CHST6: variants seen among roughly 807,000 people sequenced by gnomAD.
CHST6 encodes the protein N-acetylglucosamine 6-O-sulfotransferase 5.
For synonymous variants in CHST6, 309 were observed against 276.4 expected, an observed-to-expected ratio of 1.12 and a Z score of -1.17; for missense variants, 698 against 586.2, an observed-to-expected ratio of 1.19 and a Z score of -1.97.
chr16:75,484,705 G>A (rs143146897), intron 1 of CHST6, among the ~76,000 whole-genome samples: 304 of 152,158 alleles, frequency 2.0e-3, no homozygotes, highest in Middle Eastern at 3.4e-3. Flanking sequence ...TTAGCCGGGT[G>A]TGGTGGTGAG....
chr16:75,479,000 C>G lies in CHST6; in HGVS notation c.829G>C (p.Ala277Pro), dbSNP rs151201267. The change falls in exon 3 of 3, where the codon GCG (alanine) becomes CCG (proline). Residue 277 changes from alanine to proline, a missense_variant. Ala to Pro is a conservative substitution (Grantham distance 27). Transcript: ENST00000332272. ...RYRLVRFEDL[A>P]REPLAEIRAL... ...CGGATTTCTGCCAGCGGCTCCCGCG[C>G]CAGGTCCTCGAAGCGCACCAGGCGG... 145 of 1,612,042 alleles carry G rather than the reference C, an allele frequency of 9.0e-5. No homozygotes were observed. The highest frequency in any genetic ancestry group is 1.2e-4 in the Non-Finnish European group (140 of 1,179,948).
In CHST6 at chr16:75,479,838, T is replaced by C; in HGVS notation, c.-10A>G. Reference sequence around the variant, plus strand: ...CGCGCGGCAGCCACATGCTGACTGCTGGGGGCCTTAGGGAGGAGAGCGCAG... The same window carrying C: ...CGCGCGGCAGCCACATGCTGACTGCCGGGGGCCTTAGGGAGGAGAGCGCAG... On this transcript the variant is annotated 5_prime_UTR_variant, in exon 3 of 3. Coordinates refer to ENST00000332272, the MANE Select transcript of CHST6 (RefSeq NM_021615.5). 5 of 1,548,950 alleles carry C rather than the reference T, an allele frequency of 3.2e-6. No individual in the cohort carries two copies. Among genetic ancestry groups the C allele is most frequent in the South Asian group, 1.2e-5 (1 of 84,492 alleles).
chr16:75,490,400 C>A (rs1316421153), intron 1 of CHST6, among the ~76,000 whole-genome samples: 9 of 151,982 alleles, frequency 5.9e-5, no homozygotes, highest in South Asian at 2.1e-4. Flanking sequence ...ATCACTTGAA[C>A]CTGGGAGGCA....
At chr16:75,482,025 G>A in intron 1 of CHST6, 134 bp from the exon 2 acceptor site, 1 of 337,016 alleles carries the variant, frequency 3.0e-6, no homozygotes, top group South Asian at 2.3e-5. Context: ...AGGGCTGTGA[G>A]ATGCTGCTGC....
At position 75,480,927 on chromosome 16, in the gene CHST6, CAAAAA is replaced by C. The variant is rs60465949; in HGVS notation, c.-17+885_-17+889del. Among the ~76,000 whole-genome samples, 75 of 111,384 alleles carry C rather than the reference CAAAAA, an allele frequency of 6.7e-4. 2 individuals are homozygous for C. In the South Asian group the frequency reaches 0.015, roughly 22 times the overall value. 73.1% of individuals were successfully genotyped at this position (111,384 alleles called of 152,430 possible). A position where few individuals can be genotyped will look rare whatever the true frequency, so the allele number is the denominator to read the frequency against. ...CCTGGGCAAGAGCAAAACTTCATTCCAAAAAAAAAAAAAAAAAAAGAAAAGAAAAG... is the reference window on the plus strand; with the variant it reads ...CCTGGGCAAGAGCAAAACTTCATTCCAAAAAAAAAAAAAAGAAAAGAAAAG... On this transcript the variant is annotated intron_variant, in intron 2 of 2. Coordinates refer to ENST00000332272, the MANE Select transcript of CHST6 (RefSeq NM_021615.5).
chr16:75,490,575 A>G (rs370067908), intron 1 of CHST6: 1 of 152,352 alleles, frequency 6.6e-6, no homozygotes, highest in East Asian at 1.9e-4. Flanking sequence ...GAAGGTTACA[A>G]TCTTAAAAAG....
intron 1 of CHST6, among the ~76,000 whole-genome samples, chr16:75,493,273 G>A (rs2080275268): frequency 6.6e-6 from 1 of 152,000 alleles, no homozygotes; most frequent in Admixed American, 6.6e-5. Context: ...CACTTTGCGA[G>A]GCTGAGGAGG....
At position 75,479,306 on chromosome 16, in the gene CHST6, C is replaced by T; in HGVS notation, c.523G>A (p.Glu175Lys). ...CRSYSHVVLK[E>K]VRFFNLQVLY... Reference sequence around the variant, plus strand: ...ACCTGCAGGTTGAAGAAGCGCACCTCCTTGAGCACCACGTGGCTGTAGGAG... The same window carrying T: ...ACCTGCAGGTTGAAGAAGCGCACCTTCTTGAGCACCACGTGGCTGTAGGAG... The change falls in exon 3 of 3, where the codon GAG (glutamate) becomes AAG (lysine). Residue 175 changes from glutamate to lysine, a missense_variant. Coordinates refer to ENST00000332272, the MANE Select transcript of CHST6 (RefSeq NM_021615.5). 1 of 1,613,266 alleles carries T rather than the reference C, an allele frequency of 6.2e-7. No homozygotes were observed. The highest frequency in any genetic ancestry group is 8.5e-7 in the Non-Finnish European group (1 of 1,179,800).
At position 75,495,377 on chromosome 16, in the gene CHST6, G is replaced by A. The variant is rs1036848433; in HGVS notation, c.-529C>T. On this transcript the variant is annotated 5_prime_UTR_variant, in exon 1 of 3. Coordinates refer to ENST00000332272, the MANE Select transcript of CHST6 (RefSeq NM_021615.5). The stretch of plus-strand genomic sequence containing the variant: ...GCGCCGGCCGGCAACCCTCGGCGCT[G>A]CCCGGTGCAGCCCGCCCGAGCGCAC... 1.3e-5 allele frequency: 2 copies of A among 152,268 alleles called. No individual in the cohort carries two copies. The highest frequency in any genetic ancestry group is 6.5e-5 in the Admixed American group (1 of 15,278). The allele number at this position is 152,268 out of a possible 1,614,324, so 9.4% of individuals were successfully genotyped here.
chr16:75,482,953 C>G (rs552184047), intron 1 of CHST6, among the ~76,000 whole-genome samples: 6 of 152,226 alleles, frequency 3.9e-5, no homozygotes, highest in Admixed American at 1.3e-4. Context: ...ACATGATCAA[C>G]GCTCCTCCAG....
chr16:75,488,946 T>C (rs974873443), intron 1 of CHST6, among the ~76,000 whole-genome samples: 1 of 151,832 alleles, frequency 6.6e-6, no homozygotes, highest in Non-Finnish European at 1.5e-5. Flanking sequence ...TGAGTGTTCA[T>C]GGGGGGCAGG....
In CHST6 at chr16:75,478,720, A is replaced by C. The variant is rs751712733; in HGVS notation, c.1109T>G (p.Leu370Arg). Residue 370 changes from leucine (L) to arginine (R), a missense_variant, in exon 3 of 3, where the codon CTC becomes CGC. Coordinates refer to ENST00000332272, the MANE Select transcript of CHST6 (RefSeq NM_021615.5). ...TCGTGGCAGCACCAGATCAAGGGCG[A>C]GGTTGCGCTGCTCGTCCTCAGAGTA... ...PVYSEDEQRN[L>R]ALDLVLPRGL... is the part of the protein sequence containing the mutation. The C allele has an allele frequency of 1.6e-5, 26 of 1,613,578 alleles. No homozygotes were observed. In the South Asian group the frequency reaches 2.9e-4, roughly 18 times the overall value.
At position 75,472,763 on chromosome 16, in the gene CHST6, T is replaced by A. The variant is rs2080031706; in HGVS notation, c.*5878A>T. On this transcript the variant is annotated 3_prime_UTR_variant, in exon 3 of 3. Coordinates refer to ENST00000332272, the MANE Select transcript of CHST6 (RefSeq NM_021615.5). ...TCTTCTTGATGCAAAATAACAAAAA[T>A]AAGGCCCACCATTGATTCCCCAACA... 1 of 152,154 alleles carries A rather than the reference T, an allele frequency of 6.6e-6. No individual in the cohort carries two copies. The highest frequency in any genetic ancestry group is 2.4e-5 in the African/African-American group (1 of 41,408). 9.4% of individuals were successfully genotyped at this position (152,154 alleles called of 1,614,324 possible).
At chr16:75,489,170 G>T (rs1251751846) in intron 1 of CHST6, among the ~76,000 whole-genome samples, 1 of 151,748 alleles carries the variant, frequency 6.6e-6, no homozygotes, top group African/African-American at 2.4e-5. Flanking sequence ...AGGCCGAGGC[G>T]GGCGGATTAC....
chr16:75,474,401 AGTAGCTAGGACTACAG>A lies in CHST6; in HGVS notation c.*4224_*4239del. On this transcript the variant is annotated 3_prime_UTR_variant, in exon 3 of 3. Transcript: ENST00000332272. ...GCAGTCCTCCCAACTCAGCCTCCCA[AGTAGCTAGGACTACAG>A]GTGCACGACACCATGCCCTGCTAAT... 5.2e-6 allele frequency: 2 copies of A among 382,264 alleles called. No homozygotes were observed. The highest frequency in any genetic ancestry group is 9.3e-6 in the Non-Finnish European group (2 of 216,196). 23.7% of individuals were successfully genotyped at this position (382,264 alleles called of 1,614,324 possible).
intron 1 of CHST6, among the ~76,000 whole-genome samples, chr16:75,493,947 T>C (rs2080283553): frequency 6.6e-6 from 1 of 152,266 alleles, no homozygotes; most frequent in Non-Finnish European, 1.5e-5. Context: ...TGGGTTCAAG[T>C]GATTCTTCTG....
intron 1 of CHST6, among the ~76,000 whole-genome samples, chr16:75,483,707 G>A (rs1163708250): frequency 6.6e-6 from 1 of 152,190 alleles, no homozygotes; most frequent in East Asian, 1.9e-4. Flanking sequence ...TATCCAGTAA[G>A]AAGGAGGAAG....
chr16:75,486,745 C>T (rs993592517), intron 1 of CHST6, among the ~76,000 whole-genome samples: 1 of 152,226 alleles, frequency 6.6e-6, no homozygotes, highest in African/African-American at 2.4e-5. Flanking sequence ...GGGAAGCATT[C>T]ACTTTCTGCT....
At position 75,473,601 on chromosome 16, in the gene CHST6, AGGCAC is replaced by A. The variant is rs1224450158; in HGVS notation, c.*5035_*5039del. 2.0e-5 allele frequency: 3 copies of A among 152,190 alleles called. No homozygotes were observed. In the East Asian group the frequency reaches 5.8e-4, roughly 29 times the overall value. The allele number at this position is 152,190 out of a possible 1,614,324, so 9.4% of individuals were successfully genotyped here. ...GGTTTCCCTCCCCTTTTCTGCCTAAAGGCACGATATAAACTCTCCATCACTGGACA... is the reference window on the plus strand; with the variant it reads ...GGTTTCCCTCCCCTTTTCTGCCTAAAGATATAAACTCTCCATCACTGGACA... On this transcript the variant is annotated 3_prime_UTR_variant, in exon 3 of 3. Transcript: ENST00000332272.
Sources: allele counts gnomAD v4.1 joint callset (sites outside exome capture counted in the v4.1 genomes callset), GRCh38; gene constraint gnomAD v4.1.1; transcripts MANE v1.5; gene names NCBI Gene and HGNC (gene_info 2026-07-23, HGNC 2026-07-21).